TBC1D5: variants seen among roughly 807,000 people sequenced by gnomAD.
TBC1D5 encodes TBC1 domain family member 5.
TBC1D5 carries 75 observed loss-of-function variants against 100.3 expected under a neutral mutation model. The observed-to-expected ratio is 0.75, with a 90% CI of 0.62 to 0.91. The LOEUF (loss-of-function observed/expected upper bound fraction) is 0.91, where lower values mean the gene tolerates loss of function less well. Among genes scored for constraint, TBC1D5 ranks in the 40% least tolerant of loss-of-function variants. TBC1D5 has a pLI of 0.00. For synonymous variants in TBC1D5, 323 were observed against 325.6 expected, an observed-to-expected ratio of 0.99 and a Z score of 0.09; for missense variants, 910 against 942.4, an observed-to-expected ratio of 0.97 and a Z score of 0.45.
intron 2 of TBC1D5, chr3:17,622,602 T>C (rs2062759924): frequency 1.3e-5 from 2 of 151,676 alleles, no homozygotes; most frequent in African/African-American, 4.8e-5. Context: ...AAGGATGCTA[T>C]AGTCTAGTAA....
At chr3:17,495,413 A>T (rs1200402287) in intron 3 of TBC1D5, among the ~76,000 whole-genome samples, 1 of 152,242 alleles carries the variant, frequency 6.6e-6, no homozygotes, top group East Asian at 1.9e-4. Context: ...TTTAAATTAG[A>T]GTACTGAATT....
chr3:17,352,050 G>T (rs1360207148), intron 13 of TBC1D5, among the ~76,000 whole-genome samples: 1 of 149,108 alleles, frequency 6.7e-6, no homozygotes. Flanking sequence ...GACATACAGA[G>T]AAGCAGCCAC....
chr3:17,439,587 T>A (rs2094602024), intron 3 of TBC1D5, among the ~76,000 whole-genome samples: 1 of 152,112 alleles, frequency 6.6e-6, no homozygotes, highest in South Asian at 2.1e-4. Flanking sequence ...ATAAAAAAAT[T>A]CCAAAAATAT....
chr3:17,656,331 TCAAA>T (rs1401057654), intron 1 of TBC1D5, among the ~76,000 whole-genome samples: 1 of 152,172 alleles, frequency 6.6e-6, no homozygotes, highest in Non-Finnish European at 1.5e-5. Context: ...TCTGTGCCTC[TCAAA>T]CAATTTGAAT....
At chr3:17,351,824 A>G (rs1429745040) in intron 13 of TBC1D5, among the ~76,000 whole-genome samples, 1 of 125,872 alleles carries the variant, frequency 7.9e-6, no homozygotes, top group Non-Finnish European at 1.8e-5. Flanking sequence ...AAAAAAAAAA[A>G]AGAGATTCCC....
upstream of TBC1D5, among the ~76,000 whole-genome samples, chr3:17,741,459 A>T (rs113496757): frequency 1.6e-4 from 24 of 152,362 alleles, no homozygotes; most frequent in African/African-American, 5.3e-4. Context: ...TTCCTGCTTT[A>T]AGTATTTTGT....
At chr3:17,375,459 C>A (rs544822696) in intron 10 of TBC1D5, among the ~76,000 whole-genome samples, 1 of 151,650 alleles carries the variant, frequency 6.6e-6, no homozygotes, top group Non-Finnish European at 1.5e-5. Context: ...CTCAGCTACT[C>A]GGGAGTCTGA....
At chr3:17,422,330 G>T (rs1393166677) in intron 4 of TBC1D5, among the ~76,000 whole-genome samples, 3 of 151,588 alleles carry the variant, frequency 2.0e-5, no homozygotes, top group Non-Finnish European at 4.4e-5. Flanking sequence ...CACCACACTG[G>T]CTAATTTTGT....
chr3:17,423,888 C>A (rs1218356502), intron 4 of TBC1D5, among the ~76,000 whole-genome samples: 2 of 151,936 alleles, frequency 1.3e-5, no homozygotes, highest in African/African-American at 4.8e-5. Context: ...CCTGAGAATG[C>A]CAAATAACTG....
intron 3 of TBC1D5, among the ~76,000 whole-genome samples, chr3:17,475,479 T>A (rs190912272): frequency 1.2e-3 from 177 of 152,214 alleles, no homozygotes; most frequent in Middle Eastern, 3.4e-3. Context: ...ACCTCTCTAG[T>A]CAGTTGCCCA....
At chr3:17,367,040 G>A (rs994330434) in intron 13 of TBC1D5, among the ~76,000 whole-genome samples, 1 of 152,154 alleles carries the variant, frequency 6.6e-6, no homozygotes, top group African/African-American at 2.4e-5. Context: ...AGCGTGTTAT[G>A]AGGGTCTTTC....
At chr3:17,557,214 C>G (rs1249057116) in intron 2 of TBC1D5, among the ~76,000 whole-genome samples, 1 of 151,904 alleles carries the variant, frequency 6.6e-6, no homozygotes, top group African/African-American at 2.4e-5. Context: ...AGAAATTTTC[C>G]ACGAACAATC....
At chr3:17,320,086 G>T (rs1005835819) in intron 13 of TBC1D5, among the ~76,000 whole-genome samples, 1 of 152,124 alleles carries the variant, frequency 6.6e-6, no homozygotes, top group Non-Finnish European at 1.5e-5. Flanking sequence ...ATGTGATGCT[G>T]CATTGATTAT....
chr3:17,731,344 T>C (rs753671381), intron 1 of TBC1D5, among the ~76,000 whole-genome samples: 1 of 151,602 alleles, frequency 6.6e-6, no homozygotes, highest in Non-Finnish European at 1.5e-5. Flanking sequence ...CTAATAAAAA[T>C]ACAAAAATTT....
chr3:17,652,574 A>G (rs1053746573), intron 1 of TBC1D5, among the ~76,000 whole-genome samples: 3 of 152,326 alleles, frequency 2.0e-5, no homozygotes, highest in South Asian at 2.1e-4. Context: ...CTCTAGCACT[A>G]TATCTTGTTA....
chr3:17,163,973 A>ATTTGGATCCCAGGCAGGATC (rs2066341642), intron 21 of TBC1D5, among the ~76,000 whole-genome samples: 1 of 152,244 alleles, frequency 6.6e-6, no homozygotes, highest in Non-Finnish European at 1.5e-5. Flanking sequence ...CCAGGGTCCC[A>ATTTGGATCCCAGGCAGGATC]CAAAGTCCTG....
intron 1 of TBC1D5, among the ~76,000 whole-genome samples, chr3:17,649,137 C>T (rs1443241615): frequency 6.6e-6 from 1 of 152,128 alleles, no homozygotes; most frequent in Non-Finnish European, 1.5e-5. Context: ...CAATGGAATA[C>T]TATGCAGCCA....
intron 1 of TBC1D5, among the ~76,000 whole-genome samples, chr3:17,673,379 G>A (rs1234407257): frequency 1.3e-4 from 19 of 140,742 alleles, no homozygotes; most frequent in Admixed American, 3.1e-4. Flanking sequence ...GCATGATCTC[G>A]GCTCACTGCA....
At chr3:17,719,978 C>A (rs1393318441) in intron 1 of TBC1D5, among the ~76,000 whole-genome samples, 3 of 150,572 alleles carry the variant, frequency 2.0e-5, no homozygotes, top group Non-Finnish European at 4.4e-5. Flanking sequence ...AGATCAAAAC[C>A]AGCACTGCAT....
Sources: allele counts gnomAD v4.1 joint callset (sites outside exome capture counted in the v4.1 genomes callset), GRCh38; gene constraint gnomAD v4.1.1; transcripts MANE v1.5; gene names NCBI Gene and HGNC (gene_info 2026-07-23, HGNC 2026-07-21).